Variants in STIP1 observed in about 807,000 individuals in gnomAD.
STIP1 encodes the protein stress-induced-phosphoprotein 1.
STIP1 carries 16 observed loss-of-function variants against 77.4 expected under a neutral mutation model. The observed-to-expected ratio is 0.21, with a 90% confidence interval of 0.14 to 0.31. The LOEUF is 0.31. Ranked by LOEUF, STIP1 falls within the 10% of genes least tolerant of loss-of-function variation. The pLI is 1.00. For synonymous variants in STIP1, 258 were observed against 246.6 expected (o/e 1.05, Z -0.44); for missense variants, 524 against 684.8 (o/e 0.77, Z 2.62).
chr11:64,198,043 T>C, intron 8 of STIP1, 69 bp downstream of exon 8: 1 of 1,542,780 alleles, frequency 6.5e-7, no homozygotes. Context: ...CTTACTGTTT[T>C]ATTTAATAAT....
At chr11:64,199,757 G>T (rs919145662) in intron 8 of STIP1, among the ~76,000 whole-genome samples, 183 bp from the exon 9 acceptor site, 9 of 151,606 alleles carry the variant, frequency 5.9e-5, no homozygotes, top group African/African-American at 2.2e-4. Context: ...TAGAGACAGG[G>T]TTTCACCATG....
At chr11:64,187,846 A>G (rs942865785) in intron 1 of STIP1, among the ~76,000 whole-genome samples, 3 of 152,080 alleles carry the variant, frequency 2.0e-5, no homozygotes, top group East Asian at 3.9e-4. Context: ...CTAAAAATAC[A>G]GAAGAAAAAT....
At chr11:64,203,724 G>A (rs1946247989) in intron 13 of STIP1, 102 bp downstream of exon 13, 1 of 1,453,320 alleles carries the variant, frequency 6.9e-7, no homozygotes, top group Non-Finnish European at 9.4e-7. Context: ...GCGAGGAAGA[G>A]GAATTCTGTC....
At chr11:64,188,039 A>T (rs1300420656) in intron 1 of STIP1, among the ~76,000 whole-genome samples, 3 of 97,944 alleles carry the variant, frequency 3.1e-5, no homozygotes, top group Non-Finnish European at 5.1e-5. Flanking sequence ...CTCCGTCTCA[A>T]AAAAAAAAAA....
intron 10 of STIP1, among the ~76,000 whole-genome samples, chr11:64,202,166 A>G (rs1946225372): frequency 1.3e-5 from 2 of 152,162 alleles, no homozygotes; most frequent in Non-Finnish European, 2.9e-5. Context: ...CTGTCCATCC[A>G]TACTTAGACT....
intron 1 of STIP1, among the ~76,000 whole-genome samples, chr11:64,186,673 C>G (rs528118946): frequency 1.4e-4 from 22 of 152,350 alleles, no homozygotes; most frequent in African/African-American, 4.8e-4. Flanking sequence ...CGAGGTAGCC[C>G]TCCGGGAGAT....
Position 64,186,173 on chromosome 11 carries a change from C to G in STIP1, c.-89C>G. 6.4e-7 allele frequency: 1 copy of G among 1,550,472 alleles called. No individual in the cohort carries two copies. The highest frequency in any genetic ancestry group is 8.7e-7 in the Non-Finnish European group (1 of 1,146,882). The stretch of plus-strand genomic sequence containing the variant: ...GGGGCGGGAGCCGGGGTCCCGGTAG[C>G]TTCTAGTAGGTTCCAGAAGGCGGCG... On this transcript the variant is annotated 5_prime_UTR_variant, in exon 1 of 14. Transcript: ENST00000305218.
chr11:64,197,173 T>C, intron 5 of STIP1, 98 bp from the exon 6 acceptor site: 2 of 1,508,376 alleles, frequency 1.3e-6, no homozygotes, highest in Non-Finnish European at 9.0e-7. Flanking sequence ...AGAATTCTAT[T>C]CATGTTAGTT....
upstream of STIP1, chr11:64,185,708 A>G (rs761563169): frequency 4.8e-5 from 68 of 1,402,770 alleles, no homozygotes; most frequent in Non-Finnish European, 6.1e-5. Flanking sequence ...ACTCCCATAT[A>G]TCAGGGGCGG....
intron 8 of STIP1, 32 bp downstream of exon 8, chr11:64,198,006 G>A: frequency 1.3e-6 from 2 of 1,543,474 alleles, no homozygotes; most frequent in Non-Finnish European, 1.7e-6. Flanking sequence ...GTATTTTCTT[G>A]TTTTCCTAAT....
chr11:64,203,709 A>G (rs1441476589), intron 13 of STIP1, 87 bp downstream of exon 13: 2 of 1,535,476 alleles, frequency 1.3e-6, no homozygotes, highest in Non-Finnish European at 1.8e-6. Flanking sequence ...TGGTATGCTC[A>G]GTCTGCGAGG....
At chr11:64,194,057 C>G in intron 2 of STIP1, 132 bp from the exon 3 acceptor site, 3 of 1,314,550 alleles carry the variant, frequency 2.3e-6, no homozygotes, top group Non-Finnish European at 3.1e-6. Flanking sequence ...TACTCCTCTC[C>G]TTTTTTTCTC....
chr11:64,187,902 G>A (rs2134779759), intron 1 of STIP1, among the ~76,000 whole-genome samples: 1 of 152,264 alleles, frequency 6.6e-6, no homozygotes, highest in South Asian at 2.1e-4. Flanking sequence ...CTACTCGGGA[G>A]GCTGAGGCAG....
chr11:64,197,927 T>A lies in STIP1; in HGVS notation c.976T>A (p.Ser326Thr), dbSNP rs1020234704. ...GGATGCCATCCATTTCTATAACAAG[T>A]CTCTGGCAGAGCACCGAACCCCAGA... The part of the protein sequence containing the change: ...YKDAIHFYNK[S>T]LAEHRTPDVL... Residue 326 changes from serine (S) to threonine (T), a missense_variant, in exon 8 of 14, where the codon TCT becomes ACT. Physicochemically the swap from Ser to Thr is moderately conservative, Grantham distance 58 (BLOSUM62 1). Transcript: ENST00000305218. 1 of 1,613,346 alleles carries A rather than the reference T, an allele frequency of 6.2e-7. No individual in the cohort carries two copies. The highest frequency in any genetic ancestry group is 8.5e-7 in the Non-Finnish European group (1 of 1,179,848).
chr11:64,185,645 C>G (rs916651562), upstream of STIP1: 5 of 814,074 alleles, frequency 6.1e-6, no homozygotes, highest in South Asian at 1.9e-5. Flanking sequence ...GAAAGCAACC[C>G]AGAGGCCCCG....
At position 64,197,265 on chromosome 11, in the gene STIP1, A is replaced by G; in HGVS notation, c.673-6A>G. 5.0e-6 allele frequency: 8 copies of G among 1,614,050 alleles called. No individual in the cohort carries two copies. The highest frequency in any genetic ancestry group is 6.8e-6 in the Non-Finnish European group (8 of 1,179,986). On this transcript the variant is annotated splice_polypyrimidine_tract_variant and splice_region_variant and intron_variant, in intron 5 of 13. Transcript: ENST00000305218. ...TGCTCAGCACTCACTTCTAAACCTC[A>G]TCTAGGCACTGAAAGAAAAAGAGCT...
chr11:64,188,597 G>A (rs559020500), intron 1 of STIP1, among the ~76,000 whole-genome samples: 32 of 152,194 alleles, frequency 2.1e-4, no homozygotes, highest in Non-Finnish European at 2.1e-4. Flanking sequence ...GGCTGGTCTC[G>A]AATTTCTAGG....
At chr11:64,198,187 C>G (rs575844646) in intron 8 of STIP1, among the ~76,000 whole-genome samples, 76 of 151,758 alleles carry the variant, frequency 5.0e-4, no homozygotes, top group Non-Finnish European at 8.5e-4. Flanking sequence ...GCCTGAGTAG[C>G]TAGGATTACA....
chr11:64,199,879 A>G (rs1397131216), intron 8 of STIP1, 61 bp from the exon 9 acceptor site: 23 of 1,595,956 alleles, frequency 1.4e-5, no homozygotes, highest in Admixed American at 1.7e-5. Context: ...GTGATTTTTA[A>G]GCCCAATATT....
Sources: gnomAD v4.1 joint callset for allele counts (sites outside exome capture counted in the v4.1 genomes callset) on GRCh38, gnomAD v4.1.1 for gene constraint, MANE v1.5 for transcripts, NCBI Gene and HGNC (gene_info 2026-07-23, HGNC 2026-07-21) for gene names.